The following NARS2 variants were observed in gnomAD, a reference collection of about 807,000 sequenced individuals.
NARS2 encodes the protein asparaginyl-tRNA synthetase.
A neutral mutation model predicts 62.9 loss-of-function variants in NARS2; 60 were observed. The ratio of observed to expected loss-of-function variants is 0.95; its 90% CI spans 0.77 to 1.18. The LOEUF (loss-of-function observed/expected upper bound fraction) is 1.18, where lower values mean the gene tolerates loss of function less well. Among genes scored for constraint, NARS2 ranks in the 50% most tolerant of loss-of-function variants. NARS2 has a pLI of 0.00. For synonymous variants in NARS2, 196 were observed against 200.0 expected, an observed-to-expected ratio of 0.98 and a Z score of 0.17; for missense variants, 619 against 576.4, an observed-to-expected ratio of 1.07 and a Z score of -0.76.
At chr11:78,519,916 A>G (rs1332559177) in intron 6 of NARS2, among the ~76,000 whole-genome samples, 1 of 152,048 alleles carries the variant, frequency 6.6e-6, no homozygotes, top group African/African-American at 2.4e-5. Flanking sequence ...GATGGTCTCG[A>G]TCTCCTGACC....
At position 78,436,611 on chromosome 11, in the gene NARS2, G is replaced by A; in HGVS notation, c.*59C>T. ...AATCCAAACATGCATTCTGCTGTAT[G>A]CACAATCATGTGCAGTGTCTCTGCC... On this transcript the variant is annotated 3_prime_UTR_variant, in exon 14 of 14. Transcript: ENST00000281038. 2 of 1,569,618 alleles carry A rather than the reference G, an allele frequency of 1.3e-6. No individual in the cohort carries two copies. Among genetic ancestry groups the A allele is most frequent in the South Asian group, 1.1e-5 (1 of 87,852 alleles).
chr11:78,512,543 T>C (rs1328168828), intron 6 of NARS2, among the ~76,000 whole-genome samples: 1 of 152,202 alleles, frequency 6.6e-6, no homozygotes, highest in Non-Finnish European at 1.5e-5. Flanking sequence ...AATGTATTTT[T>C]ATAGATTAGG....
At chr11:78,482,654 A>T (rs1032144059) in intron 7 of NARS2, among the ~76,000 whole-genome samples, 3 of 152,180 alleles carry the variant, frequency 2.0e-5, no homozygotes, top group African/African-American at 7.2e-5. Context: ...GAAATGGATA[A>T]ATTCCTGGAC....
intron 1 of NARS2, among the ~76,000 whole-genome samples, chr11:78,572,603 G>A (rs1375176843): frequency 1.1e-4 from 17 of 152,072 alleles, no homozygotes; most frequent in Admixed American, 9.2e-4. Context: ...TCTCAGTTAC[G>A]TAACTTCCTG....
intron 5 of NARS2, among the ~76,000 whole-genome samples, chr11:78,538,318 T>A (rs1855450121): frequency 6.6e-6 from 1 of 152,176 alleles, no homozygotes; most frequent in African/African-American, 2.4e-5. Context: ...ATTTCCGTGA[T>A]AATCTGTATA....
At chr11:78,549,816 CCT>C (rs1193906466) in intron 5 of NARS2, among the ~76,000 whole-genome samples, 7 of 152,126 alleles carry the variant, frequency 4.6e-5, no homozygotes, top group South Asian at 4.2e-4. Flanking sequence ...GGCTATTCCC[CCT>C]GAGTGGCAGC....
At chr11:78,512,819 C>T (rs907322429) in intron 6 of NARS2, among the ~76,000 whole-genome samples, 2 of 152,020 alleles carry the variant, frequency 1.3e-5, no homozygotes, top group African/African-American at 4.8e-5. Context: ...TATTTATTCA[C>T]AAATATGGGA....
At chr11:78,559,301 CAAAAAAAA>C (rs10627726) in intron 5 of NARS2, among the ~76,000 whole-genome samples, 7 of 58,452 alleles carry the variant, frequency 1.2e-4, no homozygotes, top group South Asian at 1.1e-3. Context: ...GACTCCATCT[CAAAAAAAA>C]AAAAAAAAAA....
chr11:78,521,058 CCA>C (rs1565255630), intron 6 of NARS2, among the ~76,000 whole-genome samples: 17 of 47,204 alleles, frequency 3.6e-4, no homozygotes, highest in Admixed American at 5.9e-4. Flanking sequence ...GACTCTGTCT[CCA>C]AAAAAAAAAA....
intron 5 of NARS2, among the ~76,000 whole-genome samples, chr11:78,540,059 A>G (rs866499179): frequency 1.4e-4 from 21 of 152,234 alleles, no homozygotes; most frequent in African/African-American, 5.1e-4. Context: ...CTGATCATAT[A>G]AAACTTACGT....
At chr11:78,490,724 A>G (rs897391708) in intron 7 of NARS2, among the ~76,000 whole-genome samples, 2 of 152,036 alleles carry the variant, frequency 1.3e-5, no homozygotes, top group Non-Finnish European at 2.9e-5. Context: ...CTGCACCACC[A>G]CACTCCACCC....
chr11:78,472,045 C>T (rs1454268079), intron 9 of NARS2, among the ~76,000 whole-genome samples: 1 of 152,114 alleles, frequency 6.6e-6, no homozygotes, highest in Admixed American at 6.6e-5. Flanking sequence ...TGGTATGTTA[C>T]TGTTTCATTA....
Position 78,538,866 on chromosome 11 carries a change from G to T in NARS2, c.595-9930C>A, listed in dbSNP as rs372498166. Among the ~76,000 whole-genome samples the T allele has an allele frequency of 5.9e-3, 891 of 150,734 alleles. 5 individuals carry two copies. Among genetic ancestry groups the T allele is most frequent in the African/African-American group, 0.02 (833 of 40,998 alleles). ...AAAAATTAGCCGGGCGTGGTGGCGGGCGCCTGTAGTCCCAGCTACTCGGGA... is the reference window on the plus strand; with the variant it reads ...AAAAATTAGCCGGGCGTGGTGGCGGTCGCCTGTAGTCCCAGCTACTCGGGA... On this transcript the variant is annotated intron_variant, in intron 5 of 13. Coordinates refer to ENST00000281038, the MANE Select transcript of NARS2 (RefSeq NM_024678.6).
intron 7 of NARS2, among the ~76,000 whole-genome samples, chr11:78,485,687 T>G (rs1859543136): frequency 6.6e-6 from 1 of 152,102 alleles, no homozygotes; most frequent in African/African-American, 2.4e-5. Context: ...TCCTTGGTTG[T>G]TTTGTCCCCC....
chr11:78,482,766 A>G (rs900092741), intron 7 of NARS2, among the ~76,000 whole-genome samples: 1 of 152,182 alleles, frequency 6.6e-6, no homozygotes, highest in Non-Finnish European at 1.5e-5. Context: ...TACCAACCAA[A>G]AAAGCCCAGG....
At chr11:78,533,501 T>G (rs1861555543) in intron 5 of NARS2, among the ~76,000 whole-genome samples, 1 of 152,228 alleles carries the variant, frequency 6.6e-6, no homozygotes, top group African/African-American at 2.4e-5. Flanking sequence ...TAGGCAAATT[T>G]TCTTAAACTG....
At chr11:78,508,705 A>G (rs1860600883) in intron 6 of NARS2, among the ~76,000 whole-genome samples, 1 of 152,232 alleles carries the variant, frequency 6.6e-6, no homozygotes, top group African/African-American at 2.4e-5. Flanking sequence ...GAACTCCAAG[A>G]TGGTAAGATA....
rs755538664 is a variant in NARS2 at position 78,443,765 on chromosome 11, A to G, written c.1165-7T>C. 24 of 867,318 alleles carry G rather than the reference A, an allele frequency of 2.8e-5. 1 individual carries two copies. In the South Asian group the frequency reaches 5.2e-4, roughly 19 times the overall value. The allele number at this position is 867,318 out of a possible 1,614,324, so 53.7% of individuals were successfully genotyped here. On this transcript the variant is annotated splice_polypyrimidine_tract_variant and splice_region_variant and intron_variant, in intron 11 of 13. Transcript: ENST00000281038. ...GAAGATCAACAGCAGCAACCTAAGG[A>G]AAAAAAAAAAATTATTAGCATTATA...
At chr11:78,495,757 AAACAATAAATTC>A (rs1860030860) in intron 6 of NARS2, among the ~76,000 whole-genome samples, 1 of 152,202 alleles carries the variant, frequency 6.6e-6, no homozygotes, top group African/African-American at 2.4e-5. Context: ...GGTCTGGCCC[AAACAATAAATTC>A]AACAATTACA....
Sources: allele counts gnomAD v4.1 joint callset (sites outside exome capture counted in the v4.1 genomes callset), GRCh38; gene constraint gnomAD v4.1.1; transcripts MANE v1.5; gene names NCBI Gene and HGNC (gene_info 2026-07-23, HGNC 2026-07-21).